MRAP2: variants seen among roughly 807,000 people sequenced by gnomAD.
MRAP2 encodes the protein melanocortin 2 receptor accessory protein 2.
A neutral mutation model predicts 17.4 loss-of-function variants in MRAP2; 20 were observed. The observed-to-expected ratio is 1.15, with a 90% CI of 0.81 to 1.67. MRAP2 has a LOEUF of 1.67. Among genes scored for constraint, MRAP2 ranks in the 40% most tolerant of loss-of-function variants. The pLI is 0.00. For synonymous variants in MRAP2, 96 were observed against 88.4 expected (o/e 1.09, Z -0.48); for missense variants, 238 against 240.0 (o/e 0.99, Z 0.05).
chr6:84,099,470 C>T, the MRAP2 span, among the ~76,000 whole-genome samples: 1 of 152,096 alleles, frequency 6.6e-6, no homozygotes, highest in Admixed American at 6.6e-5. Flanking sequence ...TTAAATGTAA[C>T]CTCCGATGTT....
At chr6:84,095,953 A>G in the MRAP2 span, among the ~76,000 whole-genome samples, 1 of 152,202 alleles carries the variant, frequency 6.6e-6, no homozygotes, top group Non-Finnish European at 1.5e-5. Flanking sequence ...GCAACTGTAT[A>G]CCTAGTGAGA....
chr6:84,080,310 A>G (rs750476534), intron 3 of MRAP2, among the ~76,000 whole-genome samples: 59 of 152,102 alleles, frequency 3.9e-4, no homozygotes, highest in Non-Finnish European at 5.3e-4. Flanking sequence ...TGCTGGGATT[A>G]CAGGTGTGAG....
rs7756587 is a variant in MRAP2 at position 84,062,624 on chromosome 6, G to A, written c.128-269G>A. 5,933 of 985,120 alleles carry A rather than the reference G, an allele frequency of 6.0e-3. 255 individuals are homozygous for A. In the African/African-American group the frequency reaches 0.093, roughly 15 times the overall value. The allele number at this position is 985,120 out of a possible 1,614,324, so 61.0% of individuals were successfully genotyped here. A position where few individuals can be genotyped will look rare whatever the true frequency, so the allele number is the denominator to read the frequency against. On this transcript the variant is annotated intron_variant, in intron 2 of 3. Transcript: ENST00000257776. ...TGAGGTCCTAGATAACCTATGCTCT[G>A]GTCTAGGTTCCTTCCTTGAGATATG...
chr6:84,053,650 A>G (rs1484770212), intron 1 of MRAP2, among the ~76,000 whole-genome samples: 1 of 152,184 alleles, frequency 6.6e-6, no homozygotes, highest in Non-Finnish European at 1.5e-5. Flanking sequence ...CAGCATTTCT[A>G]ATTAATAATA....
At chr6:84,114,758 T>C in the MRAP2 span, among the ~76,000 whole-genome samples, 2 of 152,192 alleles carry the variant, frequency 1.3e-5, no homozygotes, top group Admixed American at 6.5e-5. Flanking sequence ...ATGGGGTCTC[T>C]GCATGGACGT....
rs185462968 is a variant in MRAP2 at position 84,071,306 on chromosome 6, C to T, written c.227+8314C>T. Among the ~76,000 whole-genome samples the T allele has an allele frequency of 5.9e-3, 896 of 152,214 alleles. 5 individuals carry two copies. Among genetic ancestry groups the T allele is most frequent in the African/African-American group, 0.021 (864 of 41,522 alleles). ...GCGAATTCTCTCAGCATTTGTTTGT[C>T]TGAAAAAGACTGTATCTTTCCTTCA... is the stretch of plus-strand genomic sequence containing the variant. On this transcript the variant is annotated intron_variant, in intron 3 of 3. Transcript: ENST00000257776.
At chr6:84,135,634 G>T in the MRAP2 span, among the ~76,000 whole-genome samples, 1 of 152,126 alleles carries the variant, frequency 6.6e-6, no homozygotes, top group Non-Finnish European at 1.5e-5. Context: ...AGGCTGAGAC[G>T]GGTGAATCAC....
At chr6:84,131,355 A>AT in the MRAP2 span, among the ~76,000 whole-genome samples, 1 of 152,216 alleles carries the variant, frequency 6.6e-6, no homozygotes, top group African/African-American at 2.4e-5. Context: ...GTAGATGTTT[A>AT]TTAGGTCTGC....
chr6:84,064,698 AG>A (rs1200593884), intron 3 of MRAP2, among the ~76,000 whole-genome samples: 3 of 152,172 alleles, frequency 2.0e-5, no homozygotes, highest in African/African-American at 7.2e-5. Context: ...CATGTTAGCC[AG>A]GATGGTCTCG....
At chr6:84,105,386 T>C in the MRAP2 span, among the ~76,000 whole-genome samples, 4 of 152,280 alleles carry the variant, frequency 2.6e-5, no homozygotes, top group African/African-American at 9.6e-5. Context: ...GAGCAAGTCA[T>C]GTCTTACATG....
chr6:84,141,350 T>C, the MRAP2 span, among the ~76,000 whole-genome samples: 1 of 152,164 alleles, frequency 6.6e-6, no homozygotes. Context: ...TAAAAGAGTG[T>C]CAAGTCTAGT....
chr6:84,089,690 A>C lies in MRAP2; in HGVS notation c.*209A>C. Reference sequence around the variant, plus strand: ...TTGTTTTGTTTTTGCTTTTTAATACATTTGGAGCTTTGGGAGTATTAAAGT... The same window carrying C: ...TTGTTTTGTTTTTGCTTTTTAATACCTTTGGAGCTTTGGGAGTATTAAAGT... On this transcript the variant is annotated 3_prime_UTR_variant, in exon 4 of 4. Coordinates refer to ENST00000257776, the MANE Select transcript of MRAP2 (RefSeq NM_138409.4). The C allele has an allele frequency of 1.8e-6, 1 of 561,156 alleles. No individual in the cohort carries two copies. Among genetic ancestry groups the C allele is most frequent in the South Asian group, 3.4e-5 (1 of 29,398 alleles). 34.8% of individuals were successfully genotyped at this position (561,156 alleles called of 1,614,324 possible). A position where few individuals can be genotyped will look rare whatever the true frequency, so the allele number is the denominator to read the frequency against.
At position 84,042,721 on chromosome 6, in the gene MRAP2, C is replaced by T. The variant is rs114692395; in HGVS notation, c.-8+8838C>T. 7.6e-3 allele frequency among the ~76,000 whole-genome samples: 1,157 copies of T among 152,294 alleles called. 18 individuals carry two copies. The highest frequency in any genetic ancestry group is 0.026 in the African/African-American group (1,091 of 41,550). On this transcript the variant is annotated intron_variant, in intron 1 of 3. Transcript: ENST00000257776. ...CCCTTGCACCCCAAACTCTGGTTTGCTTGTAATTGATTGTCCTGAGGTTGC... is the reference window on the plus strand; with the variant it reads ...CCCTTGCACCCCAAACTCTGGTTTGTTTGTAATTGATTGTCCTGAGGTTGC...
the MRAP2 span, among the ~76,000 whole-genome samples, chr6:84,112,368 T>C: frequency 6.6e-6 from 1 of 152,244 alleles, no homozygotes; most frequent in South Asian, 2.1e-4. Context: ...CCATTTCTTC[T>C]TGATTTTCTA....
rs142966552 is a variant in MRAP2 at position 84,044,263 on chromosome 6, C to T, written c.-8+10380C>T. On this transcript the variant is annotated intron_variant, in intron 1 of 3. Coordinates refer to ENST00000257776, the MANE Select transcript of MRAP2 (RefSeq NM_138409.4). Reference sequence around the variant, plus strand: ...GTGCAATGGCATGATCTCAGCTCACCGCCACCTCCGCCTCCCAGGTTCAAG... The same window carrying T: ...GTGCAATGGCATGATCTCAGCTCACTGCCACCTCCGCCTCCCAGGTTCAAG... 7.6e-3 allele frequency among the ~76,000 whole-genome samples: 1,161 copies of T among 152,212 alleles called. 18 individuals carry two copies. Among genetic ancestry groups the T allele is most frequent in the African/African-American group, 0.026 (1,093 of 41,530 alleles).
chr6:84,080,238 A>G (rs927759625), intron 3 of MRAP2, among the ~76,000 whole-genome samples: 33 of 151,820 alleles, frequency 2.2e-4, no homozygotes, highest in African/African-American at 6.3e-4. Context: ...GGGTTTCACC[A>G]TTTTAGCCAG....
chr6:84,096,541 T>G, the MRAP2 span, among the ~76,000 whole-genome samples: 1 of 152,072 alleles, frequency 6.6e-6, no homozygotes, highest in Non-Finnish European at 1.5e-5. Context: ...TGACTTGCAT[T>G]AAAGAAATAA....
chr6:84,144,450 G>A, the MRAP2 span, among the ~76,000 whole-genome samples: 2 of 152,004 alleles, frequency 1.3e-5, no homozygotes, highest in Non-Finnish European at 1.5e-5. Flanking sequence ...CTCATCAGAT[G>A]TTTAACTATG....
chr6:84,126,286 G>T, the MRAP2 span: 1 of 827,706 alleles, frequency 1.2e-6, no homozygotes, highest in South Asian at 3.3e-5. Context: ...CACTTTAAGT[G>T]GTAATTTTTG....
Sources: gnomAD v4.1 joint callset for allele counts (sites outside exome capture counted in the v4.1 genomes callset) on GRCh38, gnomAD v4.1.1 for gene constraint, MANE v1.5 for transcripts, NCBI Gene and HGNC (gene_info 2026-07-23, HGNC 2026-07-21) for gene names.